ZFYVE9: variants seen among roughly 807,000 people sequenced by gnomAD.
The protein encoded by ZFYVE9 is zinc finger FYVE-type containing 9, also known as zinc finger FYVE domain-containing protein 9.
Under a neutral mutation model 126.7 loss-of-function variants are expected in ZFYVE9, and 43 were observed. That is an observed-to-expected ratio of 0.34 (90% confidence interval 0.27 to 0.44). The LOEUF (loss-of-function observed/expected upper bound fraction) is 0.44. Ranked by LOEUF, ZFYVE9 falls within the 20% of genes least tolerant of loss-of-function variation. ZFYVE9 has a pLI of 1.00. For missense variants in ZFYVE9, 1,476 were observed against 1,697.0 expected (o/e 0.87, Z 2.29); for synonymous variants, 521 against 597.4 (o/e 0.87, Z 1.87).
At chr1:52,202,272 GT>G (rs1202287028) in intron 1 of ZFYVE9, among the ~76,000 whole-genome samples, 1 of 151,340 alleles carries the variant, frequency 6.6e-6, no homozygotes, top group Non-Finnish European at 1.5e-5. Flanking sequence ...TAGGTATAGT[GT>G]TTTTTTGTTT....
intron 4 of ZFYVE9, among the ~76,000 whole-genome samples, chr1:52,256,027 TTCTGTCTTTCTTTCTTTC>T (rs1645514370): frequency 8.1e-6 from 1 of 122,728 alleles, no homozygotes; most frequent in Non-Finnish European, 1.6e-5. Context: ...CTTTCTTTCT[TTCTGTCTTTCTTTCTTTC>T]TCTCTCTCTC....
rs546357509 is a variant in ZFYVE9 at position 52,281,557 on chromosome 1, A to C, written c.2870-104A>C. 4.2e-5 allele frequency: 55 copies of C among 1,302,834 alleles called. No individual in the cohort carries two copies. The African/African-American group carries it at 7.8e-4, about 18-fold the overall frequency. The allele number at this position is 1,302,834 out of a possible 1,614,324, so 80.7% of individuals were successfully genotyped here. A position where few individuals can be genotyped will look rare whatever the true frequency, so the allele number is the denominator to read the frequency against. ...GAATTATACAGACTCAGTGTGATCTATTTTAATCTTTGCTGTATTGTAACA... is the reference window on the plus strand; with the variant it reads ...GAATTATACAGACTCAGTGTGATCTCTTTTAATCTTTGCTGTATTGTAACA... On this transcript the variant is annotated intron_variant, in intron 9 of 18. Transcript: ENST00000287727.
In ZFYVE9 at chr1:52,332,855, G is replaced by T. The variant is rs779974516; in HGVS notation, c.3526G>T (p.Val1176Leu). The T allele has an allele frequency of 1.2e-6, 2 of 1,614,146 alleles. No individual in the cohort carries two copies. Among genetic ancestry groups the T allele is most frequent in the South Asian group, 1.1e-5 (1 of 91,084 alleles). ...AAAGGCAGACTCTCATCTTGTGTGT[G>T]TACAGAATGATGATGGAAACTATCA... is the stretch of plus-strand genomic sequence containing the variant. ...NEKADSHLVCVQNDDGNYQTQ... is the reference protein window; with the variant it reads ...NEKADSHLVCLQNDDGNYQTQ... Residue 1176 changes from valine to leucine, a missense_variant, in exon 14 of 19, where the codon GTA (valine) becomes TTA (leucine). Val to Leu is a conservative substitution (Grantham distance 32). This residue lies in a region of ZFYVE9 where 669 missense variants were observed against 902.4 expected (regional missense o/e 0.74). Transcript: ENST00000287727.
chr1:52,253,255 A>G (rs1349541993), intron 4 of ZFYVE9, among the ~76,000 whole-genome samples: 2 of 152,242 alleles, frequency 1.3e-5, no homozygotes, highest in Admixed American at 6.5e-5. Flanking sequence ...TACAGTATCA[A>G]CTGGCCAAGT....
chr1:52,229,526 C>A (rs1412365602), intron 2 of ZFYVE9, among the ~76,000 whole-genome samples: 1 of 152,178 alleles, frequency 6.6e-6, no homozygotes, highest in Middle Eastern at 3.2e-3. Context: ...ATTTTTGATG[C>A]TTGTTTGAAT....
intron 5 of ZFYVE9, 100 bp from the exon 6 acceptor site, chr1:52,266,555 A>G (rs779334211): frequency 2.6e-4 from 265 of 1,027,526 alleles, no homozygotes; most frequent in Non-Finnish European, 3.5e-4. Context: ...TACTATGAGT[A>G]TTAATTAGGA....
At chr1:52,255,964 T>TTTTCTTTTCTTTTCTTTC (rs1553129446) in intron 4 of ZFYVE9, among the ~76,000 whole-genome samples, 6 of 68,568 alleles carry the variant, frequency 8.8e-5, no homozygotes, top group Non-Finnish European at 1.3e-4. Flanking sequence ...TTTTCTTTTC[T>TTTTCTTTTCTTTTCTTTC]TTTCTTTCTT....
chr1:52,215,432 TTC>T (rs1557461643), intron 1 of ZFYVE9, among the ~76,000 whole-genome samples: 1 of 152,208 alleles, frequency 6.6e-6, no homozygotes, highest in Non-Finnish European at 1.5e-5. Context: ...CTTTTACTTA[TTC>T]TCTTATTTTT....
intron 17 of ZFYVE9, 53 bp downstream of exon 17, chr1:52,340,284 T>C: frequency 3.6e-6 from 5 of 1,403,582 alleles, no homozygotes; most frequent in Non-Finnish European, 5.0e-6. Context: ...AACTTTTTGC[T>C]AGGCCAAGAG....
chr1:52,253,954 G>T, intron 4 of ZFYVE9: 1 of 860,396 alleles, frequency 1.2e-6, no homozygotes, highest in Middle Eastern at 2.2e-4. Context: ...TCGGCAACTT[G>T]AATTGGTGGA....
intron 1 of ZFYVE9, among the ~76,000 whole-genome samples, chr1:52,153,148 G>A (rs1644372609): frequency 6.6e-6 from 1 of 152,228 alleles, no homozygotes; most frequent in Non-Finnish European, 1.5e-5. Context: ...TGCTGCAGCT[G>A]GAGGCTGTTA....
chr1:52,273,515 A>G (rs542263101), intron 7 of ZFYVE9, among the ~76,000 whole-genome samples: 1 of 152,162 alleles, frequency 6.6e-6, no homozygotes, highest in African/African-American at 2.4e-5. Flanking sequence ...AGCTAATGTG[A>G]TCTGCCTAGT....
chr1:52,179,006 G>T, intron 1 of ZFYVE9, among the ~76,000 whole-genome samples: 1 of 152,064 alleles, frequency 6.6e-6, no homozygotes, highest in East Asian at 1.9e-4. Flanking sequence ...GTCTCCCTTT[G>T]TTGCCCAGGG....
intron 2 of ZFYVE9, among the ~76,000 whole-genome samples, chr1:52,226,092 A>G (rs952219442): frequency 1.3e-5 from 2 of 152,304 alleles, no homozygotes; most frequent in South Asian, 4.1e-4. Flanking sequence ...TGAAGTTTAC[A>G]TAGCATGCAG....
At chr1:52,254,417 G>A (rs1448182349) in intron 4 of ZFYVE9, among the ~76,000 whole-genome samples, 1 of 150,892 alleles carries the variant, frequency 6.6e-6, no homozygotes, top group Non-Finnish European at 1.5e-5. Context: ...GGCTGGGCGT[G>A]GTGGCTCACA....
chr1:52,225,859 G>A (rs74080913), intron 2 of ZFYVE9, among the ~76,000 whole-genome samples: 3,063 of 152,196 alleles, frequency 0.02, 67 homozygotes, highest in Middle Eastern at 0.11. Flanking sequence ...AAGGTTCATC[G>A]TCTTGTGCCA....
At chr1:52,291,872 C>T (rs147303405) in intron 10 of ZFYVE9, among the ~76,000 whole-genome samples, 1,693 of 121,096 alleles carry the variant, frequency 0.014, 25 homozygotes, top group African/African-American at 0.052. Context: ...GGTAACAGAG[C>T]GAGACTCTGT....
intron 4 of ZFYVE9, among the ~76,000 whole-genome samples, chr1:52,255,940 TTTC>T (rs779350660): frequency 8.0e-6 from 1 of 125,712 alleles, no homozygotes; most frequent in Non-Finnish European, 1.5e-5. Context: ...TTTCTTTTCT[TTTC>T]TTTTCTTTTC....
At chr1:52,178,702 T>C (rs1644664870) in intron 1 of ZFYVE9, among the ~76,000 whole-genome samples, 1 of 152,308 alleles carries the variant, frequency 6.6e-6, no homozygotes, top group East Asian at 1.9e-4. Context: ...CCAGAATGGA[T>C]ACAGGGTTAT....
Sources: gnomAD v4.1 joint callset for allele counts (sites outside exome capture counted in the v4.1 genomes callset) on GRCh38, gnomAD v4.1.1 for gene constraint, gnomAD v4.1.1 regional missense constraint, MANE v1.5 for transcripts, NCBI Gene and HGNC (gene_info 2026-07-23, HGNC 2026-07-21) for gene names.